The following NFATC1 variants were observed in gnomAD, a reference collection of about 807,000 sequenced individuals.
The protein encoded by NFATC1 is nuclear factor of activated T cells 1.
A neutral mutation model predicts 76.0 loss-of-function variants in NFATC1; 22 were observed. The observed-to-expected ratio is 0.29, with a 90% CI of 0.21 to 0.41. The LOEUF is 0.41. Ranked by LOEUF, NFATC1 falls within the 10% of genes least tolerant of loss-of-function variation. The pLI is 1.00. For synonymous variants in NFATC1, 704 were observed against 613.1 expected (o/e 1.15, Z -2.19); for missense variants, 1,357 against 1,337.7 (o/e 1.01, Z -0.23).
At chr18:79,501,075 A>C (rs1191691947) in intron 9 of NFATC1, among the ~76,000 whole-genome samples, 1 of 152,174 alleles carries the variant, frequency 6.6e-6, no homozygotes, top group Non-Finnish European at 1.5e-5. Context: ...GCAAAAATCC[A>C]CAACAAAATA....
Position 79,430,352 on chromosome 18 carries a change from G to T in NFATC1, c.1227-3227G>T, listed in dbSNP as rs942016993. Among the ~76,000 whole-genome samples, 3 of 152,242 alleles carry T rather than the reference G, an allele frequency of 2.0e-5. No individual in the cohort carries two copies. In the South Asian group the frequency reaches 6.2e-4, roughly 32 times the overall value. On this transcript the variant is annotated intron_variant, in intron 2 of 9. Coordinates refer to ENST00000427363, the MANE Select transcript of NFATC1 (RefSeq NM_001278669.2). ...GTCTCTTAACTTTCCTGGGAATCCA[G>T]TGAGCCCAGTTTTTTCACTGTGAAT... is the stretch of plus-strand genomic sequence containing the variant.
intron 6 of NFATC1, among the ~76,000 whole-genome samples, chr18:79,456,505 C>T (rs1002961457): frequency 2.0e-5 from 3 of 152,258 alleles, no homozygotes; most frequent in Non-Finnish European, 2.9e-5. Context: ...CATCAGTGCC[C>T]GCTGGCCACC....
rs2087333997 is a variant in NFATC1, at chr18:79,448,897, C to T, written c.1502C>T (p.Thr501Ile). The T allele has an allele frequency of 2.5e-6, 4 of 1,613,714 alleles. No individual in the cohort carries two copies. The highest frequency in any genetic ancestry group is 4.5e-5 in the East Asian group (2 of 44,890). ...FYQVHRITGK[T>I]VSTTSHEAIL... ...CAGGTGCACCGCATCACAGGGAAGACCGTGTCCACCACCAGCCACGAGGCC... is the reference window on the plus strand; with the variant it reads ...CAGGTGCACCGCATCACAGGGAAGATCGTGTCCACCACCAGCCACGAGGCC... The change falls in exon 4 of 10, where the codon ACC becomes ATC. Residue 501 changes from threonine to isoleucine, a missense_variant. Physicochemically the swap from Thr to Ile is moderately conservative, Grantham distance 89. Around this residue, in one of 3 missense-constraint regions of NFATC1, gnomAD observed 242 missense variants for 329.2 expected, o/e 0.74. Coordinates refer to ENST00000427363, the MANE Select transcript of NFATC1 (RefSeq NM_001278669.2).
rs559194052 is a variant in NFATC1 at position 79,487,635 on chromosome 18, A to G, written c.2782+698A>G. Among the ~76,000 whole-genome samples the G allele has an allele frequency of 1.1e-4, 17 of 152,346 alleles. No homozygotes were observed. The South Asian group carries it at 3.3e-3, about 30-fold the overall frequency. Reference sequence around the variant, plus strand: ...GGTGGTGTGGGGCGTCTGAGCACTCAGGCCTTTCTGTGACGAGTGGTGACC... The same window carrying G: ...GGTGGTGTGGGGCGTCTGAGCACTCGGGCCTTTCTGTGACGAGTGGTGACC... On this transcript the variant is annotated intron_variant, in intron 9 of 9. Coordinates refer to ENST00000427363, the MANE Select transcript of NFATC1 (RefSeq NM_001278669.2).
At chr18:79,404,607 G>A (rs1466281627) in intron 1 of NFATC1, among the ~76,000 whole-genome samples, 1 of 152,248 alleles carries the variant, frequency 6.6e-6, no homozygotes. Context: ...GCCCCAGCAA[G>A]TGCTGAAGGG....
chr18:79,415,057 C>G (rs1440978030), intron 2 of NFATC1, among the ~76,000 whole-genome samples: 2 of 152,206 alleles, frequency 1.3e-5, no homozygotes, highest in Non-Finnish European at 2.9e-5. Flanking sequence ...AGGCCATGTG[C>G]GTCCATGTCC....
At chr18:79,479,767 C>T (rs762771639) in intron 8 of NFATC1, among the ~76,000 whole-genome samples, 1 of 152,224 alleles carries the variant, frequency 6.6e-6, no homozygotes, top group African/African-American at 2.4e-5. Flanking sequence ...GCATCCCTGC[C>T]GTCCACCGCC....
chr18:79,487,475 T>C (rs1261617150), intron 9 of NFATC1, among the ~76,000 whole-genome samples: 1 of 152,206 alleles, frequency 6.6e-6, no homozygotes, highest in Non-Finnish European at 1.5e-5. Flanking sequence ...CCGGGGGCCC[T>C]AGACTGTGCC....
Position 79,461,349 on chromosome 18 carries a change from C to T in NFATC1, c.1942C>T (p.Arg648Trp), listed in dbSNP as rs774653931. The change falls in exon 7 of 10, where the codon CGG (arginine) becomes TGG (tryptophan). Residue 648 changes from arginine (R) to tryptophan (W), a missense_variant. By Grantham distance (101) the Arg-to-Trp change is moderately radical. This residue lies in a region of NFATC1 where 242 missense variants were observed against 329.2 expected (regional missense o/e 0.74). Coordinates refer to ENST00000427363, the MANE Select transcript of NFATC1 (RefSeq NM_001278669.2). ...CTGGGAGATGGAAGCGAAAACTGAC[C>T]GGGACCTGTGCAAGCCGGTGAGTGC... ...HVWEMEAKTD[R>W]DLCKPNSLVV... 1.4e-5 allele frequency: 21 copies of T among 1,491,336 alleles called. No homozygotes were observed. In the East Asian group the frequency reaches 1.5e-4, roughly 11 times the overall value. 92.4% of individuals were successfully genotyped at this position (1,491,336 alleles called of 1,614,324 possible). A position where few individuals can be genotyped will look rare whatever the true frequency, so the allele number is the denominator to read the frequency against.
At chr18:79,428,469 T>G (rs957975588) in intron 2 of NFATC1, among the ~76,000 whole-genome samples, 7 of 152,204 alleles carry the variant, frequency 4.6e-5, no homozygotes, top group Admixed American at 4.6e-4. Context: ...AGCCTCACGA[T>G]GCTCACGCCT....
chr18:79,490,096 G>A (rs540617457), intron 9 of NFATC1, among the ~76,000 whole-genome samples: 3 of 152,164 alleles, frequency 2.0e-5, no homozygotes, highest in South Asian at 2.1e-4. Flanking sequence ...TCTCCCCCCC[G>A]CCCCCGCCCC....
intron 2 of NFATC1, among the ~76,000 whole-genome samples, chr18:79,427,654 G>A (rs1229645132): frequency 1.3e-4 from 15 of 111,368 alleles, no homozygotes; most frequent in East Asian, 3.1e-4. Context: ...GAGGCTGGAC[G>A]GCTGGCCTCT....
chr18:79,462,879 C>T (rs2088194723), intron 7 of NFATC1, among the ~76,000 whole-genome samples: 1 of 146,814 alleles, frequency 6.8e-6, no homozygotes, highest in Non-Finnish European at 1.5e-5. Context: ...CTGGTCCCTT[C>T]AGAAACCTCA....
chr18:79,418,599 C>G (rs745437608), intron 2 of NFATC1, among the ~76,000 whole-genome samples: 8 of 152,234 alleles, frequency 5.3e-5, no homozygotes, highest in Middle Eastern at 3.2e-3. Context: ...AGCCACAGCT[C>G]CCTGGAGAAG....
chr18:79,427,119 G>A (rs994894036), intron 2 of NFATC1, among the ~76,000 whole-genome samples: 7 of 152,290 alleles, frequency 4.6e-5, no homozygotes, highest in African/African-American at 1.7e-4. Flanking sequence ...AGTGCGTCTT[G>A]GCAGGGGGGC....
intron 6 of NFATC1, chr18:79,452,102 G>T (rs1254682642): frequency 3.4e-6 from 1 of 298,078 alleles, no homozygotes; most frequent in Admixed American, 5.2e-5. Flanking sequence ...ACGGGCTGGG[G>T]ACGCAGAGGA....
In NFATC1 at chr18:79,425,273, C is replaced by CTGTTTCTCTG. The variant is rs1444724785; in HGVS notation, c.1227-8305_1227-8304insGTTTCTCTGT. Among the ~76,000 whole-genome samples, 5 of 143,532 alleles carry CTGTTTCTCTG rather than the reference C, an allele frequency of 3.5e-5. 1 individual carries two copies. The highest frequency in any genetic ancestry group is 7.5e-5 in the African/African-American group (3 of 39,982). 94.2% of individuals were successfully genotyped at this position (143,532 alleles called of 152,430 possible). A position where few individuals can be genotyped will look rare whatever the true frequency, so the allele number is the denominator to read the frequency against. On this transcript the variant is annotated intron_variant, in intron 2 of 9. Coordinates refer to ENST00000427363, the MANE Select transcript of NFATC1 (RefSeq NM_001278669.2). ...TGTTTCTCTCCCTGTCTCTGTCTCT[C>CTGTTTCTCTG]TCTCTGTCTGTCTTTCTTTCTTACT...
At chr18:79,423,063 T>C (rs1247462582) in intron 2 of NFATC1, among the ~76,000 whole-genome samples, 1 of 150,882 alleles carries the variant, frequency 6.6e-6, no homozygotes, top group South Asian at 2.1e-4. Context: ...CCAAAGCTGT[T>C]GTGAGGCTCA....
At chr18:79,488,349 T>C (rs1266585335) in intron 9 of NFATC1, among the ~76,000 whole-genome samples, 1 of 147,668 alleles carries the variant, frequency 6.8e-6, no homozygotes, top group African/African-American at 2.6e-5. Flanking sequence ...CTTGAGGTAG[T>C]GTGTCCCATG....
Sources: allele counts gnomAD v4.1 joint callset (sites outside exome capture counted in the v4.1 genomes callset), GRCh38; gene constraint gnomAD v4.1.1; regional missense constraint gnomAD v4.1.1; transcripts MANE v1.5; gene names NCBI Gene and HGNC (gene_info 2026-07-23, HGNC 2026-07-21).